CCDC83: variants seen among roughly 807,000 people sequenced by gnomAD.
CCDC83 encodes the protein coiled-coil domain containing 83, also known as coiled-coil domain-containing protein 83.
CCDC83 carries 54 observed loss-of-function variants against 50.1 expected under a neutral mutation model. The observed-to-expected ratio is 1.08, with a 90% CI of 0.87 to 1.35. The LOEUF is 1.35. Among genes scored for constraint, CCDC83 ranks in the 40% most tolerant of loss-of-function variants. The pLI is 0.00. For missense variants in CCDC83, 518 were observed against 473.9 expected, an observed-to-expected ratio of 1.09 and a Z score of -0.86; for synonymous variants, 161 against 153.3, an observed-to-expected ratio of 1.05 and a Z score of -0.37.
intron 7 of CCDC83, among the ~76,000 whole-genome samples, chr11:85,901,063 T>TAA (rs370561060): frequency 7.4e-6 from 1 of 136,018 alleles, no homozygotes; most frequent in Admixed American, 7.5e-5. Context: ...AGACCCTGTC[T>TAA]AAAAAAAAAA....
At chr11:85,867,807 G>A (rs950105610) in intron 2 of CCDC83, among the ~76,000 whole-genome samples, 2 of 152,172 alleles carry the variant, frequency 1.3e-5, no homozygotes, top group African/African-American at 4.8e-5. Flanking sequence ...TCATGATCTA[G>A]TGCAAGTTAT....
chr11:85,891,682 G>C (rs1205304377), intron 5 of CCDC83, among the ~76,000 whole-genome samples: 4 of 152,088 alleles, frequency 2.6e-5, no homozygotes, highest in Non-Finnish European at 5.9e-5. Flanking sequence ...TAATTTTCTT[G>C]CCTATAAAAT....
chr11:85,857,631 C>T (rs779894524), intron 1 of CCDC83, among the ~76,000 whole-genome samples: 21 of 152,186 alleles, frequency 1.4e-4, no homozygotes, highest in African/African-American at 2.7e-4. Flanking sequence ...TCAACAACTC[C>T]GTCACCAAGA....
intron 5 of CCDC83, among the ~76,000 whole-genome samples, chr11:85,887,375 G>A (rs901270322): frequency 1.3e-5 from 2 of 152,212 alleles, no homozygotes; most frequent in Non-Finnish European, 2.9e-5. Flanking sequence ...TGGAGATAGT[G>A]CCCTGCGTTG....
intron 5 of CCDC83, among the ~76,000 whole-genome samples, 166 bp from the exon 6 acceptor site, chr11:85,895,127 A>C (rs1004799374): frequency 3.8e-5 from 4 of 105,644 alleles, no homozygotes; most frequent in Non-Finnish European, 8.5e-5. Context: ...TAGTTAGATG[A>C]AGTCAGACAG....
At chr11:85,856,362 C>CCTTA (rs2093141039) in intron 1 of CCDC83, among the ~76,000 whole-genome samples, 2 of 152,174 alleles carry the variant, frequency 1.3e-5, no homozygotes, top group South Asian at 4.1e-4. Flanking sequence ...CCTTTTTGTT[C>CCTTA]TCTACCATTA....
chr11:85,867,511 AG>A (rs1403327980), intron 2 of CCDC83, among the ~76,000 whole-genome samples: 1 of 152,218 alleles, frequency 6.6e-6, no homozygotes, highest in Non-Finnish European at 1.5e-5. Context: ...AAGAGAGAAG[AG>A]GCTTTCACCT....
chr11:85,866,218 C>T (rs537973059), intron 2 of CCDC83, among the ~76,000 whole-genome samples: 5 of 152,244 alleles, frequency 3.3e-5, no homozygotes, highest in African/African-American at 1.2e-4. Context: ...AAGTGTTAGT[C>T]TTTTCTTGCA....
At position 85,895,261 on chromosome 11, in the gene CCDC83, T is replaced by A. The variant is rs1565148338; in HGVS notation, c.512-32T>A. The A allele has an allele frequency of 4.5e-6, 4 of 885,164 alleles. No homozygotes were observed. In the East Asian group the frequency reaches 8.6e-5, roughly 19 times the overall value. The allele number at this position is 885,164 out of a possible 1,614,324, so 54.8% of individuals were successfully genotyped here. A position where few individuals can be genotyped will look rare whatever the true frequency, so the allele number is the denominator to read the frequency against. ...AATCATGCTTGATAAGGCTTTTAAT[T>A]TTCTTTTTTTTTTTTTTTTTTTTTT... On this transcript the variant is annotated intron_variant, in intron 5 of 10. Transcript: ENST00000342404.
At chr11:85,876,504 T>G (rs1179825502) in intron 3 of CCDC83, among the ~76,000 whole-genome samples, 1 of 152,264 alleles carries the variant, frequency 6.6e-6, no homozygotes, top group East Asian at 1.9e-4. Context: ...CTTCCTTTCT[T>G]GTTTTTTCAT....
chr11:85,895,204 A>C, intron 5 of CCDC83, 89 bp from the exon 6 acceptor site: 1 of 603,132 alleles, frequency 1.7e-6, no homozygotes, highest in Non-Finnish European at 2.8e-6. Context: ...GTGTGATATG[A>C]AGAGTAGACT....
At chr11:85,870,705 T>C (rs2093232160) in intron 2 of CCDC83, among the ~76,000 whole-genome samples, 1 of 152,200 alleles carries the variant, frequency 6.6e-6, no homozygotes, top group Non-Finnish European at 1.5e-5. Context: ...CTGCCCTATC[T>C]ACTATAGTAG....
At chr11:85,858,102 G>A (rs770438484) in intron 1 of CCDC83, among the ~76,000 whole-genome samples, 22 of 152,218 alleles carry the variant, frequency 1.4e-4, no homozygotes, top group Non-Finnish European at 2.1e-4. Context: ...CCTGCTAGCT[G>A]AGGGTCAGCT....
intron 2 of CCDC83, among the ~76,000 whole-genome samples, chr11:85,871,585 A>G (rs1221405495): frequency 6.6e-6 from 1 of 152,228 alleles, no homozygotes; most frequent in Non-Finnish European, 1.5e-5. Flanking sequence ...GAAATTTACT[A>G]AGCATTTATT....
chr11:85,891,030 C>T (rs2093348365), intron 5 of CCDC83, among the ~76,000 whole-genome samples: 1 of 152,152 alleles, frequency 6.6e-6, no homozygotes, highest in Admixed American at 6.5e-5. Flanking sequence ...AGACTGAAGA[C>T]AGAATGATAT....
intron 3 of CCDC83, among the ~76,000 whole-genome samples, chr11:85,875,388 C>T (rs2093263654): frequency 6.6e-6 from 1 of 152,226 alleles, no homozygotes; most frequent in African/African-American, 2.4e-5. Flanking sequence ...AGGCATTTGT[C>T]TGCCTCCTGC....
chr11:85,917,158 G>GAAAGAA (rs1202011090), intron 10 of CCDC83, among the ~76,000 whole-genome samples: 12 of 66,854 alleles, frequency 1.8e-4, no homozygotes, highest in South Asian at 7.2e-4. Flanking sequence ...GAGAGAGAGA[G>GAAAGAA]AGAGAGAGAG....
chr11:85,875,293 G>A (rs552512452), intron 3 of CCDC83, among the ~76,000 whole-genome samples: 11 of 152,360 alleles, frequency 7.2e-5, no homozygotes, highest in Admixed American at 3.3e-4. Context: ...ACAGGAAGGC[G>A]GGTTATCAAT....
chr11:85,860,411 A>G (rs2093169311), intron 1 of CCDC83, among the ~76,000 whole-genome samples: 1 of 152,106 alleles, frequency 6.6e-6, no homozygotes, highest in Non-Finnish European at 1.5e-5. Flanking sequence ...ATCACTAATC[A>G]TTAGATAAAT....
Sources: allele counts gnomAD v4.1 joint callset (sites outside exome capture counted in the v4.1 genomes callset), GRCh38; gene constraint gnomAD v4.1.1; transcripts MANE v1.5; gene names NCBI Gene and HGNC (gene_info 2026-07-23, HGNC 2026-07-21).